NRK: variants seen among roughly 807,000 people sequenced by gnomAD.
NRK encodes the protein nik-related protein kinase.
Under a neutral mutation model 125.2 loss-of-function variants are expected in NRK, and 67 were observed. The observed-to-expected ratio is 0.54, with a 90% CI of 0.44 to 0.66. The LOEUF is 0.66. Among genes scored for constraint, NRK ranks in the 30% least tolerant of loss-of-function variants. NRK has a pLI of 0.00. For synonymous variants in NRK, 458 were observed against 429.0 expected (o/e 1.07, Z -0.84); for missense variants, 1,224 against 1,192.9 (o/e 1.03, Z -0.38).
At chrX:105,854,610 C>A (rs979484231) in intron 2 of NRK, among the ~76,000 whole-genome samples, 1 of 111,718 alleles carries the variant, frequency 9.0e-6, no homozygotes, top group African/African-American at 3.3e-5. Context: ...GTTGACTGAA[C>A]CCAGGTTCGC....
At chrX:105,881,524 T>G (rs1201027357) in intron 3 of NRK, among the ~76,000 whole-genome samples, 184 bp from the exon 4 acceptor site, 1 of 112,067 alleles carries the variant, frequency 8.9e-6, no homozygotes, top group East Asian at 2.8e-4. Context: ...ACCATGAATT[T>G]GTTGCCAAAT....
In NRK at chrX:105,906,563, G is replaced by T. The variant is rs865907370; in HGVS notation, c.995G>T (p.Gly332Val). ...VVESLTRHLTGIIKKRQKKGI... is the reference protein window; with the variant it reads ...VVESLTRHLTVIIKKRQKKGI... ...GAGTCATTAACAAGGCATCTTACTG[G>T]AATCATTAAAAAAAGACAGAAAAAA... is the stretch of plus-strand genomic sequence containing the variant. Residue 332 changes from glycine (G) to valine (V), a missense_variant, in exon 11 of 29, where the codon GGA becomes GTA. Gly to Val is a moderately radical substitution (Grantham distance 109, BLOSUM62 -3). Transcript: ENST00000243300. 2.7e-6 allele frequency: 3 copies of T among 1,091,125 alleles called. No individual in the cohort carries two copies. The highest frequency in any genetic ancestry group is 2.6e-5 in the South Asian group (1 of 38,230). The allele number at this position is 1,091,125 out of a possible 1,213,427, so 89.9% of individuals were successfully genotyped here. A position where few individuals can be genotyped will look rare whatever the true frequency, so the allele number is the denominator to read the frequency against.
chrX:105,898,862 G>A (rs781413495), intron 8 of NRK, 148 bp downstream of exon 8: 1 of 430,587 alleles, frequency 2.3e-6, no homozygotes, highest in African/African-American at 2.5e-5. Flanking sequence ...CTCTATTTCG[G>A]TAAGTGGTTT....
At chrX:105,863,649 T>C (rs2039632100) in intron 2 of NRK, among the ~76,000 whole-genome samples, 1 of 112,369 alleles carries the variant, frequency 8.9e-6, no homozygotes, top group Non-Finnish European at 1.9e-5. Flanking sequence ...TCTGTTATTC[T>C]CTGTAGAAGA....
intron 2 of NRK, among the ~76,000 whole-genome samples, chrX:105,843,223 T>G (rs7880348): frequency 0.06 from 6,761 of 112,157 alleles, 528 homozygotes; most frequent in African/African-American, 0.21. Flanking sequence ...ATTAGTAGTA[T>G]TATCATTCTA....
chrX:105,882,362 A>T (rs1401462980), intron 4 of NRK, among the ~76,000 whole-genome samples: 1 of 110,405 alleles, frequency 9.1e-6, no homozygotes, highest in Admixed American at 9.7e-5. Flanking sequence ...GGATATGAAC[A>T]TGTTTTCTAT....
chrX:105,947,344 G>T (rs933238778), intron 26 of NRK, among the ~76,000 whole-genome samples: 1 of 73,947 alleles, frequency 1.4e-5, no homozygotes. Context: ...TTGGGAGGCT[G>T]AGGCAGGAGA....
chrX:105,957,862 G>A lies in NRK; in HGVS notation c.*2262G>A, dbSNP rs999330155. ...TCTGGAATCTTTACATCCTTTGCCA[G>A]CTGAAACAAGAAAGTGAAGGGACAA... On this transcript the variant is annotated 3_prime_UTR_variant, in exon 29 of 29. Transcript: ENST00000243300. 2.7e-5 allele frequency: 3 copies of A among 112,423 alleles called. No homozygotes were observed. The Admixed American group carries it at 2.8e-4, about 11-fold the overall frequency. 9.3% of individuals were successfully genotyped at this position (112,423 alleles called of 1,213,427 possible).
chrX:105,911,675 G>A (rs996323379), intron 13 of NRK, among the ~76,000 whole-genome samples: 3 of 111,304 alleles, frequency 2.7e-5, no homozygotes, highest in African/African-American at 9.8e-5. Context: ...TGGAGAAAAG[G>A]GAGGTTTAAG....
intron 2 of NRK, among the ~76,000 whole-genome samples, chrX:105,841,312 A>G (rs1398383679): frequency 8.9e-6 from 1 of 112,034 alleles, no homozygotes; most frequent in Non-Finnish European, 1.9e-5. Context: ...GAATATAAAA[A>G]GACATAAACA....
chrX:105,837,192 G>A (rs2039276994), intron 2 of NRK, among the ~76,000 whole-genome samples: 1 of 111,094 alleles, frequency 9.0e-6, no homozygotes, highest in Non-Finnish European at 1.9e-5. Context: ...TGAGATATTG[G>A]ATTTTTTCTT....
At position 105,905,251 on chromosome X, in the gene NRK, A is replaced by G. The variant is rs373191274; in HGVS notation, c.767-14A>G. The G allele has an allele frequency of 2.6e-4, 308 of 1,178,593 alleles. 2 individuals carry two copies. In the South Asian group the frequency reaches 4.9e-3, roughly 19 times the overall value. ...CTTCTCATTCTTTCTAAATTTATCT[A>G]TTTCCCTTTGCAGCTCTGTGTAACC... On this transcript the variant is annotated splice_polypyrimidine_tract_variant and intron_variant, in intron 9 of 28. Transcript: ENST00000243300.
Position 105,895,507 on chromosome X carries a change from T to A in NRK, c.564T>A (p.Asn188Lys). 2.5e-6 allele frequency: 3 copies of A among 1,183,092 alleles called. No individual in the cohort carries two copies. The highest frequency in any genetic ancestry group is 5.9e-5 in the East Asian group (2 of 33,713). The change falls in exon 7 of 29, where the codon AAT becomes AAA. Residue 188 changes from asparagine (N) to lysine (K), a missense_variant. Transcript: ENST00000243300. ...GTCAGAATGTGCTGCTGACTCATAA[T>A]GCTGAAGTAAAACTGGGTAAGTTTA... ...IKGQNVLLTHNAEVKLVDFGV... is the reference protein window; with the variant it reads ...IKGQNVLLTHKAEVKLVDFGV...
At chrX:105,831,164 C>T (rs2039186694) in intron 2 of NRK, 45 bp downstream of exon 2, 1 of 809,600 alleles carries the variant, frequency 1.2e-6, no homozygotes, top group South Asian at 2.2e-5. Context: ...TTTCTAATGA[C>T]AACAAAGATT....
intron 28 of NRK, among the ~76,000 whole-genome samples, chrX:105,954,735 G>A (rs1214283275): frequency 9.0e-6 from 1 of 110,809 alleles, no homozygotes; most frequent in Non-Finnish European, 1.9e-5. Flanking sequence ...ACATTTGTTT[G>A]ATATTTATGT....
Position 105,900,673 on chromosome X carries a change from G to A in NRK, c.766+1G>A. On this transcript the variant is annotated splice_donor_variant, in intron 9 of 28. Coordinates refer to ENST00000243300, the MANE Select transcript of NRK (RefSeq NM_198465.4). LOFTEE classifies it high-confidence loss of function. Reference sequence around the variant, plus strand: ...ATTGAAATGGCTGAAGGAGCCCCTCGTGAGTAAAAAATGTTTGATATTTGT... The same window carrying A: ...ATTGAAATGGCTGAAGGAGCCCCTCATGAGTAAAAAATGTTTGATATTTGT... 9.1e-7 allele frequency: 1 copy of A among 1,098,662 alleles called. No individual in the cohort carries two copies. The highest frequency in any genetic ancestry group is 1.3e-6 in the Non-Finnish European group (1 of 797,021). 90.5% of individuals were successfully genotyped at this position (1,098,662 alleles called of 1,213,427 possible).
Position 105,957,455 on chromosome X carries a change from A to G in NRK, c.*1855A>G, listed in dbSNP as rs1345688826. The G allele has an allele frequency of 1.7e-4, 19 of 111,870 alleles. No homozygotes were observed. In the Admixed American group the frequency reaches 1.8e-3, roughly 11 times the overall value. The allele number at this position is 111,870 out of a possible 1,213,427, so 9.2% of individuals were successfully genotyped here. The stretch of plus-strand genomic sequence containing the variant: ...TTTCCTCATATACGTAGTGTGTAGA[A>G]TCAAGTCTTTTAATAATTCATTTTT... On this transcript the variant is annotated 3_prime_UTR_variant, in exon 29 of 29. Coordinates refer to ENST00000243300, the MANE Select transcript of NRK (RefSeq NM_198465.4).
At chrX:105,844,699 G>A (rs2039378562) in intron 2 of NRK, among the ~76,000 whole-genome samples, 1 of 111,719 alleles carries the variant, frequency 9.0e-6, no homozygotes, top group African/African-American at 3.3e-5. Context: ...TGATAGGTGA[G>A]TTGCATAGGA....
intron 23 of NRK, 83 bp downstream of exon 23, chrX:105,940,115 G>A: frequency 9.6e-6 from 7 of 730,689 alleles, no homozygotes; most frequent in South Asian, 2.6e-5. Context: ...GAAAGGCAAA[G>A]CAGAGAAAGG....
Sources: gnomAD v4.1 joint callset for allele counts (sites outside exome capture counted in the v4.1 genomes callset) on GRCh38, gnomAD v4.1.1 for gene constraint, MANE v1.5 for transcripts, NCBI Gene and HGNC (gene_info 2026-07-23, HGNC 2026-07-21) for gene names.